The following KLHL8 variants were observed in gnomAD, a reference collection of about 807,000 sequenced individuals.
KLHL8 encodes kelch like family member 8, also known as kelch-like protein 8.
KLHL8 carries 38 observed loss-of-function variants against 63.5 expected under a neutral mutation model. The ratio of observed to expected loss-of-function variants is 0.60; its 90% CI spans 0.46 to 0.78. KLHL8 has a LOEUF of 0.78. Ranked by LOEUF, KLHL8 falls within the 30% of genes least tolerant of loss-of-function variation. The pLI is 0.00. For missense variants in KLHL8, 566 were observed against 752.4 expected, an observed-to-expected ratio of 0.75 and a Z score of 2.90; for synonymous variants, 224 against 254.3, an observed-to-expected ratio of 0.88 and a Z score of 1.13.
chr4:87,226,934 TAA>T (rs1560723913), intron 1 of KLHL8, among the ~76,000 whole-genome samples: 1 of 50,110 alleles, frequency 2.0e-5, no homozygotes, highest in Non-Finnish European at 3.7e-5. Flanking sequence ...ATATTATATA[TAA>T]ATAATATATA....
At chr4:87,227,506 C>T (rs1342898171) in intron 1 of KLHL8, among the ~76,000 whole-genome samples, 1 of 152,098 alleles carries the variant, frequency 6.6e-6, no homozygotes, top group African/African-American at 2.4e-5. Flanking sequence ...AAAAATTAGC[C>T]AGTGGTGTTG....
chr4:87,187,039 A>G (rs1164823517), intron 2 of KLHL8, among the ~76,000 whole-genome samples: 1 of 152,044 alleles, frequency 6.6e-6, no homozygotes, highest in African/African-American at 2.4e-5. Context: ...TTCCAACAGT[A>G]TGCTATTACA....
rs930969551 is a variant in KLHL8 at position 87,162,362 on chromosome 4, T to C, written c.*1157A>G. On this transcript the variant is annotated 3_prime_UTR_variant, in exon 10 of 10. Coordinates refer to ENST00000273963, the MANE Select transcript of KLHL8 (RefSeq NM_020803.5). ...CATCAATATCCTGGCTTCAAATCAA[T>C]ATGTAGAAATATTTTTAATTAAATT... The C allele has an allele frequency of 6.6e-6, 1 of 152,224 alleles. No homozygotes were observed. Among genetic ancestry groups the C allele is most frequent in the African/African-American group, 2.4e-5 (1 of 41,460 alleles). 9.4% of individuals were successfully genotyped at this position (152,224 alleles called of 1,614,324 possible).
Position 87,176,864 on chromosome 4 carries a change from T to G in KLHL8, c.1101A>C (p.Lys367Asn), listed in dbSNP as rs369552242. 9.0e-6 allele frequency: 14 copies of G among 1,554,792 alleles called. No homozygotes were observed. The African/African-American group carries it at 1.9e-4, about 21-fold the overall frequency. Reference sequence around the variant, plus strand: ...CATCATGTCCACCTACTGCATACACTTTACCTGTCAAATAGAGAAGTATTT... The same window carrying G: ...CATCATGTCCACCTACTGCATACACGTTACCTGTCAAATAGAGAAGTATTT... ...RHVGVISVEGKVYAVGGHDGN... is the reference protein window; with the variant it reads ...RHVGVISVEGNVYAVGGHDGN... The change falls in exon 6 of 10, where the codon AAA becomes AAC. Residue 367 changes from lysine (K) to asparagine (N), a missense_variant. Transcript: ENST00000273963.
Position 87,176,875 on chromosome 4 carries a change from A to C in KLHL8, c.1097-7T>G, listed in dbSNP as rs753682791. On this transcript the variant is annotated splice_region_variant and splice_polypyrimidine_tract_variant and intron_variant, in intron 5 of 9. Coordinates refer to ENST00000273963, the MANE Select transcript of KLHL8 (RefSeq NM_020803.5). ...CCTACTGCATACACTTTACCTGTCAAATAGAGAAGTATTTTCATTTGACTC... is the reference window on the plus strand; with the variant it reads ...CCTACTGCATACACTTTACCTGTCACATAGAGAAGTATTTTCATTTGACTC... 3 of 1,459,036 alleles carry C rather than the reference A, an allele frequency of 2.1e-6. No homozygotes were observed. Among genetic ancestry groups the C allele is most frequent in the Non-Finnish European group, 2.8e-6 (3 of 1,057,502 alleles). The allele number at this position is 1,459,036 out of a possible 1,614,324, so 90.4% of individuals were successfully genotyped here. A position where few individuals can be genotyped will look rare whatever the true frequency, so the allele number is the denominator to read the frequency against.
At chr4:87,164,129 C>G in intron 8 of KLHL8, 50 bp from the exon 9 acceptor site, 3 of 1,445,240 alleles carry the variant, frequency 2.1e-6, no homozygotes, top group Non-Finnish European at 2.9e-6. Context: ...TAGAAATTAA[C>G]TACTAAATTT....
chr4:87,238,469 T>C (rs1387187059), intron 1 of KLHL8, among the ~76,000 whole-genome samples: 2 of 152,192 alleles, frequency 1.3e-5, no homozygotes, highest in Non-Finnish European at 2.9e-5. Flanking sequence ...AGTTGGAAGA[T>C]AGCTTGAGCC....
intron 8 of KLHL8, among the ~76,000 whole-genome samples, chr4:87,166,663 G>C (rs1578356689): frequency 6.6e-6 from 1 of 152,130 alleles, no homozygotes; most frequent in Non-Finnish European, 1.5e-5. Context: ...ACAGAAACTA[G>C]GCCCCTCCTT....
At chr4:87,164,950 C>T (rs796643408) in intron 8 of KLHL8, among the ~76,000 whole-genome samples, 37 of 151,846 alleles carry the variant, frequency 2.4e-4, no homozygotes, top group African/African-American at 7.0e-4. Context: ...AGATCGAGAC[C>T]ATCCTGGCTA....
chr4:87,234,436 CAA>C (rs35074980), intron 1 of KLHL8, among the ~76,000 whole-genome samples: 18 of 131,790 alleles, frequency 1.4e-4, no homozygotes, highest in Admixed American at 1.5e-4. Flanking sequence ...GTCTCTGTCT[CAA>C]AAAAAAAAAA....
intron 1 of KLHL8, among the ~76,000 whole-genome samples, chr4:87,226,822 ATATTATTTATAAATAAT>A (rs1733012791): frequency 7.6e-5 from 1 of 13,162 alleles, no homozygotes; most frequent in Non-Finnish European, 1.2e-4. Context: ...TATATAATAT[ATATTATTTATAAATAAT>A]ATATATATTA....
intron 1 of KLHL8, among the ~76,000 whole-genome samples, chr4:87,226,388 C>A (rs926549938): frequency 6.6e-6 from 1 of 151,418 alleles, no homozygotes; most frequent in Admixed American, 6.6e-5. Flanking sequence ...CATGGTGAAA[C>A]CCTGTCTCTA....
At chr4:87,184,944 T>G (rs905050493) in intron 3 of KLHL8, among the ~76,000 whole-genome samples, 3 of 152,202 alleles carry the variant, frequency 2.0e-5, no homozygotes, top group African/African-American at 7.2e-5. Flanking sequence ...TAGAGCTATT[T>G]CTTCAAACCA....
intron 1 of KLHL8, among the ~76,000 whole-genome samples, chr4:87,218,131 G>A (rs1732670985): frequency 6.6e-6 from 1 of 152,130 alleles, no homozygotes; most frequent in Non-Finnish European, 1.5e-5. Context: ...AGGGGTAGGC[G>A]ATACATGGGA....
chr4:87,214,293 G>C (rs557268854), intron 1 of KLHL8, among the ~76,000 whole-genome samples: 1 of 150,224 alleles, frequency 6.7e-6, no homozygotes, highest in South Asian at 2.1e-4. Flanking sequence ...TATGATATTG[G>C]TTAAGTTACA....
intron 3 of KLHL8, 78 bp downstream of exon 3, chr4:87,185,173 C>T (rs1731201522): frequency 1.5e-6 from 2 of 1,307,370 alleles, no homozygotes; most frequent in Admixed American, 2.2e-5. Context: ...ATAATCTACA[C>T]TTTTCCTAAT....
intron 1 of KLHL8, among the ~76,000 whole-genome samples, chr4:87,231,302 A>G (rs1733134483): frequency 6.6e-6 from 1 of 152,072 alleles, no homozygotes; most frequent in African/African-American, 2.4e-5. Flanking sequence ...CTCTCCTGCC[A>G]GTGCCTTTTG....
chr4:87,190,615 G>A (rs1731443907), intron 2 of KLHL8, among the ~76,000 whole-genome samples: 1 of 149,296 alleles, frequency 6.7e-6, no homozygotes, highest in Admixed American at 6.7e-5. Flanking sequence ...TTGCACTCCA[G>A]CCTGGGTGAC....
chr4:87,218,419 A>G (rs904575388), intron 1 of KLHL8, among the ~76,000 whole-genome samples: 1 of 152,010 alleles, frequency 6.6e-6, no homozygotes, highest in Non-Finnish European at 1.5e-5. Flanking sequence ...GGGTTTCACC[A>G]TGTTGGCCAG....
Sources: allele counts gnomAD v4.1 joint callset (sites outside exome capture counted in the v4.1 genomes callset), GRCh38; gene constraint gnomAD v4.1.1; transcripts MANE v1.5; gene names NCBI Gene and HGNC (gene_info 2026-07-23, HGNC 2026-07-21).